MACROD2: variants seen among roughly 807,000 people sequenced by gnomAD.
MACROD2 encodes the protein mono-ADP ribosylhydrolase 2.
Under a neutral mutation model 70.4 loss-of-function variants are expected in MACROD2, and 36 were observed. The ratio of observed to expected loss-of-function variants is 0.51; its 90% confidence interval spans 0.39 to 0.68. MACROD2 has a LOEUF of 0.68. Among genes scored for constraint, MACROD2 ranks in the 30% least tolerant of loss-of-function variants. The probability of loss-of-function intolerance (pLI) is 0.00; values close to 1 mark genes in which losing one functional copy is unlikely to be tolerated. For synonymous variants in MACROD2, 172 were observed against 178.8 expected (o/e 0.96, Z 0.30); for missense variants, 496 against 538.4 (o/e 0.92, Z 0.78).
At chr20:15,703,359 T>C (rs929982135) in intron 8 of MACROD2, among the ~76,000 whole-genome samples, 4 of 152,292 alleles carry the variant, frequency 2.6e-5, no homozygotes, top group South Asian at 2.1e-4. Context: ...GCTTACCATG[T>C]TGACACAGCC....
intron 5 of MACROD2, among the ~76,000 whole-genome samples, chr20:15,047,144 T>C (rs1004582129): frequency 6.6e-6 from 1 of 152,242 alleles, no homozygotes; most frequent in Non-Finnish European, 1.5e-5. Context: ...TGTTACATCA[T>C]CATTATTTAG....
chr20:14,059,354 C>G (rs1004017746), intron 2 of MACROD2, among the ~76,000 whole-genome samples: 2 of 152,108 alleles, frequency 1.3e-5, no homozygotes, highest in African/African-American at 4.8e-5. Context: ...CTACTAAGCA[C>G]CAGACACTGT....
intron 6 of MACROD2, among the ~76,000 whole-genome samples, chr20:15,374,628 T>C (rs1471222831): frequency 6.6e-6 from 1 of 152,176 alleles, no homozygotes; most frequent in African/African-American, 2.4e-5. Flanking sequence ...AACTGATCTT[T>C]GGAAACTCTA....
chr20:14,771,666 CACACAT>C (rs769695143), intron 5 of MACROD2, among the ~76,000 whole-genome samples: 3,454 of 133,490 alleles, frequency 0.026, 74 homozygotes, highest in Non-Finnish European at 0.042. Context: ...CACACACACA[CACACAT>C]ATATATATAT....
chr20:14,261,627 A>G (rs1041748843), intron 3 of MACROD2, among the ~76,000 whole-genome samples: 1 of 152,186 alleles, frequency 6.6e-6, no homozygotes, highest in Admixed American at 6.5e-5. Flanking sequence ...TATCTCACCT[A>G]TAAGATGTGT....
At chr20:15,094,354 C>A (rs1360626786) in intron 5 of MACROD2, among the ~76,000 whole-genome samples, 1 of 151,962 alleles carries the variant, frequency 6.6e-6, no homozygotes, top group African/African-American at 2.4e-5. Context: ...TTATGAACCA[C>A]CTATTATGAG....
intron 6 of MACROD2, among the ~76,000 whole-genome samples, chr20:15,373,220 G>A (rs1184532849): frequency 6.6e-6 from 1 of 152,060 alleles, no homozygotes; most frequent in East Asian, 1.9e-4. Context: ...CTATTTCTGT[G>A]ACCTCTTTTT....
intron 3 of MACROD2, among the ~76,000 whole-genome samples, chr20:14,186,437 T>C (rs6042572): frequency 0.95 from 145,010 of 152,242 alleles, 69,076 homozygotes; most frequent in East Asian, 0.99. Context: ...ATGGCTATTA[T>C]TAAAAAGAAA....
chr20:15,534,553 T>C (rs1276267701), intron 8 of MACROD2, among the ~76,000 whole-genome samples: 1 of 152,204 alleles, frequency 6.6e-6, no homozygotes, highest in East Asian at 1.9e-4. Context: ...TGCTTTTTTT[T>C]TCTTACTTAG....
At chr20:14,371,112 G>A (rs1400482317) in intron 3 of MACROD2, among the ~76,000 whole-genome samples, 2 of 151,920 alleles carry the variant, frequency 1.3e-5, no homozygotes, top group Non-Finnish European at 2.9e-5. Flanking sequence ...CTTACATTTT[G>A]TGACTTTGAG....
chr20:15,757,153 A>G (rs1321223832), intron 8 of MACROD2, among the ~76,000 whole-genome samples: 2 of 152,212 alleles, frequency 1.3e-5, no homozygotes, highest in African/African-American at 4.8e-5. Flanking sequence ...AATTTTTTTG[A>G]AAGTAAAACC....
intron 5 of MACROD2, among the ~76,000 whole-genome samples, chr20:15,148,824 G>A (rs1456645956): frequency 6.6e-6 from 1 of 152,016 alleles, no homozygotes; most frequent in Non-Finnish European, 1.5e-5. Flanking sequence ...GTTTTTAAAA[G>A]ACTTTTAGTC....
intron 8 of MACROD2, among the ~76,000 whole-genome samples, chr20:15,724,642 AT>A (rs2050835241): frequency 6.6e-6 from 1 of 152,014 alleles, no homozygotes; most frequent in Non-Finnish European, 1.5e-5. Flanking sequence ...CCATTGATCT[AT>A]TTGTATATTT....
chr20:15,682,390 C>A (rs2050172284), intron 8 of MACROD2, among the ~76,000 whole-genome samples: 1 of 152,104 alleles, frequency 6.6e-6, no homozygotes, highest in South Asian at 2.1e-4. Flanking sequence ...TGGGGAAATG[C>A]TAATTGGTCA....
chr20:15,176,069 G>A (rs1481297289), intron 5 of MACROD2, among the ~76,000 whole-genome samples: 1 of 152,242 alleles, frequency 6.6e-6, no homozygotes, highest in Admixed American at 6.5e-5. Flanking sequence ...GCTGGGTGCT[G>A]TTGCAATGTG....
chr20:15,064,420 T>G (rs992608434), intron 5 of MACROD2, among the ~76,000 whole-genome samples: 1 of 152,200 alleles, frequency 6.6e-6, no homozygotes, highest in Non-Finnish European at 1.5e-5. Flanking sequence ...TCTGATGGGC[T>G]ACATAAGCCC....
chr20:14,191,100 TC>T (rs1292904938), intron 3 of MACROD2, among the ~76,000 whole-genome samples: 1 of 152,152 alleles, frequency 6.6e-6, no homozygotes. Flanking sequence ...GTGCATACTG[TC>T]CACATCTACT....
chr20:15,271,004 T>C (rs1342718148), intron 6 of MACROD2, among the ~76,000 whole-genome samples: 6 of 152,224 alleles, frequency 3.9e-5, no homozygotes, highest in African/African-American at 1.4e-4. Flanking sequence ...TTTTTGTAAT[T>C]GTTTCTTCTT....
intron 5 of MACROD2, among the ~76,000 whole-genome samples, chr20:14,746,156 A>G (rs371365342): frequency 2.6e-5 from 4 of 152,312 alleles, no homozygotes; most frequent in East Asian, 3.9e-4. Flanking sequence ...TTCCTTCACC[A>G]TGAACTCAAT....
Sources: gnomAD v4.1 joint callset for allele counts (sites outside exome capture counted in the v4.1 genomes callset) on GRCh38, gnomAD v4.1.1 for gene constraint, MANE v1.5 for transcripts, NCBI Gene and HGNC (gene_info 2026-07-23, HGNC 2026-07-21) for gene names.